Variants in DCAF10 observed in about 807,000 individuals in gnomAD.
DCAF10 encodes DDB1- and CUL4-associated factor 10.
In DCAF10, 19 loss-of-function variants were observed where a neutral mutation model predicts 51.9. The observed-to-expected ratio is 0.37, with a 90% CI of 0.26 to 0.54. The LOEUF (loss-of-function observed/expected upper bound fraction) is 0.54, where lower values mean the gene tolerates loss of function less well. DCAF10 is among the 20% of genes least tolerant of loss of function. DCAF10 has a pLI of 0.87. For synonymous variants in DCAF10, 291 were observed against 297.1 expected, an observed-to-expected ratio of 0.98 and a Z score of 0.21; for missense variants, 510 against 730.6, an observed-to-expected ratio of 0.70 and a Z score of 3.48.
chr9:37,819,497 A>C (rs943812906), intron 2 of DCAF10, 96 bp downstream of exon 2: 1 of 776,140 alleles, frequency 1.3e-6, no homozygotes, highest in African/African-American at 1.7e-5. Context: ...TGCCTTATCC[A>C]GCACTGCTAG....
At position 37,854,662 on chromosome 9, in the gene DCAF10, T is replaced by C. The variant is rs532710387; in HGVS notation, c.852-118T>C. The C allele has an allele frequency of 1.4e-5, 12 of 885,968 alleles. No individual in the cohort carries two copies. The East Asian group carries it at 2.5e-4, about 18-fold the overall frequency. The allele number at this position is 885,968 out of a possible 1,614,324, so 54.9% of individuals were successfully genotyped here. A position where few individuals can be genotyped will look rare whatever the true frequency, so the allele number is the denominator to read the frequency against. ...CCTCCTAATTGTAATTTTGAGCCCATTGACCAAGCTCTTCTCATCCTCCCT... is the reference window on the plus strand; with the variant it reads ...CCTCCTAATTGTAATTTTGAGCCCACTGACCAAGCTCTTCTCATCCTCCCT... On this transcript the variant is annotated intron_variant, in intron 3 of 6. Coordinates refer to ENST00000377724, the MANE Select transcript of DCAF10 (RefSeq NM_024345.5).
chr9:37,822,316 C>T (rs1461844332), intron 2 of DCAF10, among the ~76,000 whole-genome samples: 25 of 151,572 alleles, frequency 1.6e-4, no homozygotes, highest in South Asian at 4.2e-4. Context: ...TACTTGCACA[C>T]GCATGTTTAT....
At chr9:37,812,280 GAAAA>G (rs898008426) in intron 1 of DCAF10, among the ~76,000 whole-genome samples, 4 of 150,126 alleles carry the variant, frequency 2.7e-5, no homozygotes, top group African/African-American at 7.3e-5. Flanking sequence ...AAAAAAAGAA[GAAAA>G]AAAGACAGAA....
intron 2 of DCAF10, among the ~76,000 whole-genome samples, chr9:37,822,638 A>C (rs76068961): frequency 0.15 from 22,437 of 151,890 alleles, 1,741 homozygotes; most frequent in Non-Finnish European, 0.16. Context: ...TTGGGGACTT[A>C]AGGGGAAGAG....
intron 2 of DCAF10, among the ~76,000 whole-genome samples, chr9:37,825,783 C>T (rs1044205663): frequency 2.0e-5 from 3 of 152,092 alleles, no homozygotes; most frequent in Non-Finnish European, 2.9e-5. Flanking sequence ...CTTTGGGAGG[C>T]GGAGGCAGGC....
intron 1 of DCAF10, among the ~76,000 whole-genome samples, chr9:37,815,654 A>AG: frequency 6.6e-6 from 1 of 152,264 alleles, no homozygotes; most frequent in Admixed American, 6.5e-5. Flanking sequence ...TCCAATAAAA[A>AG]AAAAAAATAG....
At chr9:37,854,732 T>C (rs750176878) in intron 3 of DCAF10, 48 bp from the exon 4 acceptor site, 2 of 1,549,178 alleles carry the variant, frequency 1.3e-6, no homozygotes, top group South Asian at 2.3e-5. Flanking sequence ...TACTGAACCG[T>C]TATATTTATG....
chr9:37,838,635 A>G (rs572305173), intron 2 of DCAF10, among the ~76,000 whole-genome samples: 2 of 152,274 alleles, frequency 1.3e-5, no homozygotes, highest in African/African-American at 4.8e-5. Context: ...TCACTCCTGT[A>G]ATCCCAGCAC....
At chr9:37,834,799 T>G (rs892713608) in intron 2 of DCAF10, among the ~76,000 whole-genome samples, 10 of 152,060 alleles carry the variant, frequency 6.6e-5, no homozygotes, top group Non-Finnish European at 1.3e-4. Flanking sequence ...ACGTACTTTT[T>G]TTTTTTGAGA....
chr9:37,801,284 C>T lies in DCAF10; in HGVS notation c.418C>T (p.Pro140Ser). Residue 140 changes from proline to serine, a missense_variant, in exon 1 of 7, where the codon CCG (proline) becomes TCG (serine). This residue lies in a region of DCAF10 where 251 missense variants were observed against 227.9 expected (regional missense o/e 1.10). Transcript: ENST00000377724. The surrounding 1 kb of genome is among the most constrained non-coding windows in gnomAD (Gnocchi z 5.5). ...RSLGRGLFVD[P>S]ARDNFRTMTS... ...CCTGGGCCGCGGGCTGTTCGTGGACCCGGCGCGGGACAATTTTCGCACCAT... is the reference window on the plus strand; with the variant it reads ...CCTGGGCCGCGGGCTGTTCGTGGACTCGGCGCGGGACAATTTTCGCACCAT... The T allele has an allele frequency of 1.9e-6, 3 of 1,596,264 alleles. No individual in the cohort carries two copies. Among genetic ancestry groups the T allele is most frequent in the Non-Finnish European group, 2.6e-6 (3 of 1,174,030 alleles).
At chr9:37,819,564 C>G (rs1445855399) in intron 2 of DCAF10, among the ~76,000 whole-genome samples, 163 bp downstream of exon 2, 3 of 152,160 alleles carry the variant, frequency 2.0e-5, no homozygotes, top group Non-Finnish European at 2.9e-5. Context: ...CCTTTAATTA[C>G]AAAACTTACT....
At chr9:37,802,777 G>A (rs867202872) in intron 1 of DCAF10, among the ~76,000 whole-genome samples, 2 of 152,214 alleles carry the variant, frequency 1.3e-5, no homozygotes, top group South Asian at 4.1e-4. Context: ...GAAAACTGGT[G>A]AGAGGAGAAA....
In DCAF10 at chr9:37,814,080, CTATATATATATATATATATATATATATA is replaced by C. The variant is rs58660288; in HGVS notation, c.540-5188_540-5161del. On this transcript the variant is annotated intron_variant, in intron 1 of 6. Coordinates refer to ENST00000377724, the MANE Select transcript of DCAF10 (RefSeq NM_024345.5). Reference sequence around the variant, plus strand: ...TGAACCACTTTGAAACTATTTGTCACTATATATATATATATATATATATATATATATATATATATATATATATTTGTTG... The same window carrying C: ...TGAACCACTTTGAAACTATTTGTCACTATATATATATATATATATTTGTTG... 2.1e-3 allele frequency among the ~76,000 whole-genome samples: 98 copies of C among 47,108 alleles called. 3 individuals carry two copies. Among genetic ancestry groups the C allele is most frequent in the South Asian group, 6.6e-3 (5 of 760 alleles). The allele number at this position is 47,108 out of a possible 152,430, so 30.9% of individuals were successfully genotyped here.
chr9:37,825,255 A>G (rs995713392), intron 2 of DCAF10, among the ~76,000 whole-genome samples: 1 of 152,238 alleles, frequency 6.6e-6, no homozygotes, highest in Non-Finnish European at 1.5e-5. Context: ...ACCCAAAGGA[A>G]TAAAGACACA....
At chr9:37,860,327 ACT>A (rs1830977764) in intron 6 of DCAF10, 134 bp downstream of exon 6, 1 of 1,145,194 alleles carries the variant, frequency 8.7e-7, no homozygotes, top group Non-Finnish European at 1.2e-6. Flanking sequence ...CTGCTTCTCG[ACT>A]CTCCTGTTTC....
chr9:37,856,556 G>A (rs1280486744), intron 4 of DCAF10, among the ~76,000 whole-genome samples: 1 of 152,202 alleles, frequency 6.6e-6, no homozygotes, highest in African/African-American at 2.4e-5. Context: ...AAAATGTGAT[G>A]ATGAAATAGA....
At position 37,862,683 on chromosome 9, in the gene DCAF10, A is replaced by G. The variant is rs535069817; in HGVS notation, c.*1175A>G. On this transcript the variant is annotated 3_prime_UTR_variant, in exon 7 of 7. Transcript: ENST00000377724. The stretch of plus-strand genomic sequence containing the variant: ...ACACGCAAGCATAAAGCAGGACTCA[A>G]GCACAAGGCTGACTGTTCTACTTTG... The G allele has an allele frequency of 2.6e-5, 4 of 152,258 alleles. No individual in the cohort carries two copies. The highest frequency in any genetic ancestry group is 5.9e-5 in the Non-Finnish European group (4 of 68,054). 9.4% of individuals were successfully genotyped at this position (152,258 alleles called of 1,614,324 possible). A position where few individuals can be genotyped will look rare whatever the true frequency, so the allele number is the denominator to read the frequency against.
intron 2 of DCAF10, among the ~76,000 whole-genome samples, chr9:37,840,018 TA>T (rs1235644153): frequency 1.3e-5 from 2 of 152,300 alleles, no homozygotes; most frequent in East Asian, 3.9e-4. Context: ...AGTATTATGA[TA>T]GAAGCTCCCA....
chr9:37,801,621 T>C lies in DCAF10; in HGVS notation c.539+216T>C, dbSNP rs1564021311. On this transcript the variant is annotated intron_variant, in intron 1 of 6. Transcript: ENST00000377724. This position sits in a 1 kb window ranked among gnomAD's most constrained non-coding sequence, Gnocchi z 5.5. ...GGCAGGCAGGCGGGGCCCCACTTGC[T>C]CGCCTTCAGGACTTGGGCTCTGTGA... is the stretch of plus-strand genomic sequence containing the variant. 6.6e-6 allele frequency among the ~76,000 whole-genome samples: 1 copy of C among 152,204 alleles called. No individual in the cohort carries two copies. The highest frequency in any genetic ancestry group is 6.5e-5 in the Admixed American group (1 of 15,286).
Sources: allele counts gnomAD v4.1 joint callset (sites outside exome capture counted in the v4.1 genomes callset), GRCh38; gene constraint gnomAD v4.1.1; regional missense constraint gnomAD v4.1.1; non-coding constraint Gnocchi (gnomAD v3.1); transcripts MANE v1.5; gene names NCBI Gene and HGNC (gene_info 2026-07-23, HGNC 2026-07-21).